NBEA: variants seen among roughly 807,000 people sequenced by gnomAD.
NBEA encodes the protein neurobeachin.
Under a neutral mutation model 343.4 loss-of-function variants are expected in NBEA, and 44 were observed. The observed-to-expected ratio is 0.13, with a 90% confidence interval of 0.10 to 0.16. The LOEUF is 0.16. NBEA is among the 10% of genes least tolerant of loss of function. The pLI, the probability that NBEA is intolerant of heterozygous loss-of-function variation, is 1.00. For missense variants in NBEA, 2,555 were observed against 3,631.3 expected, an observed-to-expected ratio of 0.70 and a Z score of 7.62; for synonymous variants, 1,175 against 1,238.7, an observed-to-expected ratio of 0.95 and a Z score of 1.08.
intron 16 of NBEA, among the ~76,000 whole-genome samples, chr13:35,119,248 T>C (rs2066662872): frequency 6.6e-6 from 1 of 152,324 alleles, no homozygotes. Context: ...GTTTTTATTT[T>C]TCTGGAGTTT....
intron 39 of NBEA, among the ~76,000 whole-genome samples, chr13:35,439,846 C>G (rs1465846627): frequency 6.6e-6 from 1 of 151,940 alleles, no homozygotes; most frequent in Non-Finnish European, 1.5e-5. Context: ...TACTCAGTTG[C>G]TATTTTTTTA....
rs1399941358 is a variant in NBEA at position 35,512,766 on chromosome 13, G to A, written c.6586-37711G>A. On this transcript the variant is annotated intron_variant, in intron 41 of 58. Transcript: ENST00000379939. Reference sequence around the variant, plus strand: ...CTATTTTTTAGTCAGGCCAAACCACGGACTATTGGCAAACCTCTGGATTAG... The same window carrying A: ...CTATTTTTTAGTCAGGCCAAACCACAGACTATTGGCAAACCTCTGGATTAG... Among the ~76,000 whole-genome samples, 6 of 152,238 alleles carry A rather than the reference G, an allele frequency of 3.9e-5. No homozygotes were observed. In the South Asian group the frequency reaches 6.2e-4, roughly 16 times the overall value.
chr13:34,974,245 A>C (rs1566109095), intron 1 of NBEA, among the ~76,000 whole-genome samples: 1 of 151,970 alleles, frequency 6.6e-6, no homozygotes, highest in Non-Finnish European at 1.5e-5. Context: ...AAGGTACTGT[A>C]TTTACTTGCC....
In NBEA at chr13:35,554,996, A is replaced by G; in HGVS notation, c.6816A>G (p.Ser2272=). ...SYGLPQARRI[S]LATPRQLYKS... is the part of the protein sequence containing the mutation. ...TGTGCTTAATTGCTAGGAGGATATC[A>G]TTGGCCACTCCTCGACAGCTTTATA... The change falls in exon 44 of 59, where the codon TCA becomes TCG. Residue 2272 remains serine (S), a synonymous_variant. Transcript: ENST00000379939. The G allele has an allele frequency of 3.1e-6, 5 of 1,601,228 alleles. No homozygotes were observed. Among genetic ancestry groups the G allele is most frequent in the Non-Finnish European group, 4.3e-6 (5 of 1,169,990 alleles).
At chr13:35,476,621 T>A in intron 41 of NBEA, 1 of 498,910 alleles carries the variant, frequency 2.0e-6, no homozygotes, top group Non-Finnish European at 3.7e-6. Context: ...GGAGGAAAAG[T>A]GTGCTGAGTG....
chr13:34,942,745 C>G lies in NBEA; in HGVS notation c.-76C>G. ...GGGCTCCGAGGCGACGGCCGGGGGG[C>G]GGGGGCCGAGGCAGGTATAACGGTA... is the stretch of plus-strand genomic sequence containing the variant. On this transcript the variant is annotated 5_prime_UTR_variant, in exon 1 of 59. Transcript: ENST00000379939. 7.6e-6 allele frequency: 9 copies of G among 1,184,506 alleles called. No individual in the cohort carries two copies. The highest frequency in any genetic ancestry group is 1.6e-5 in the African/African-American group (1 of 62,692). The allele number at this position is 1,184,506 out of a possible 1,614,324, so 73.4% of individuals were successfully genotyped here.
At chr13:35,308,736 C>G (rs768100913) in intron 35 of NBEA, among the ~76,000 whole-genome samples, 1 of 148,160 alleles carries the variant, frequency 6.7e-6, no homozygotes, top group Non-Finnish European at 1.5e-5. Flanking sequence ...TTTAAAACCC[C>G]AAAAATAGAA....
intron 48 of NBEA, among the ~76,000 whole-genome samples, chr13:35,625,492 A>G (rs925583768): frequency 2.0e-5 from 3 of 151,928 alleles, no homozygotes; most frequent in Non-Finnish European, 4.4e-5. Flanking sequence ...ACGGTGGCGC[A>G]TGTCTGTAGT....
intron 41 of NBEA, 77 bp downstream of exon 41, chr13:35,472,613 C>T: frequency 1.3e-6 from 2 of 1,507,730 alleles, no homozygotes; most frequent in Non-Finnish European, 1.8e-6. Flanking sequence ...TTGGTTTTAC[C>T]TGACAGTGGA....
intron 41 of NBEA, among the ~76,000 whole-genome samples, chr13:35,506,295 G>A (rs969302081): frequency 3.9e-5 from 6 of 152,050 alleles, no homozygotes; most frequent in African/African-American, 7.2e-5. Context: ...TCTTGAACTC[G>A]TGGCCTCAAG....
intron 13 of NBEA, among the ~76,000 whole-genome samples, chr13:35,114,093 G>C (rs918985010): frequency 6.6e-6 from 1 of 152,126 alleles, no homozygotes; most frequent in Non-Finnish European, 1.5e-5. Context: ...TGGTGGATAT[G>C]GTTTTTAGAA....
At chr13:35,121,591 C>A (rs2066803497) in intron 16 of NBEA, among the ~76,000 whole-genome samples, 1 of 150,052 alleles carries the variant, frequency 6.7e-6, no homozygotes, top group Admixed American at 6.7e-5. Context: ...TAAACCCATA[C>A]ATATTTATGA....
chr13:34,953,431 G>T (rs1050326350), intron 1 of NBEA, among the ~76,000 whole-genome samples: 5 of 152,024 alleles, frequency 3.3e-5, no homozygotes, highest in African/African-American at 1.2e-4. Context: ...CTTGATAGTT[G>T]TTACATTTCT....
In NBEA at chr13:35,550,773, G is replaced by T. The variant is rs138872432; in HGVS notation, c.6704-157G>T. ...AATTTGTTTGAAATGTTAGCCCTAG[G>T]TTTCTCATGGATAAAGTTATACTGA... On this transcript the variant is annotated intron_variant, in intron 42 of 58. Transcript: ENST00000379939. 1.1e-3 allele frequency among the ~76,000 whole-genome samples: 169 copies of T among 152,166 alleles called. 1 individual carries two copies. The highest frequency in any genetic ancestry group is 3.7e-3 in the African/African-American group (155 of 41,514).
chr13:34,958,010 AC>A (rs1455633936), intron 1 of NBEA, among the ~76,000 whole-genome samples: 1 of 152,120 alleles, frequency 6.6e-6, no homozygotes, highest in Non-Finnish European at 1.5e-5. Context: ...AGTGTAAAAT[AC>A]ACAATGAATT....
At chr13:35,400,170 CAGG>C (rs2042931173) in intron 38 of NBEA, among the ~76,000 whole-genome samples, 1 of 123,034 alleles carries the variant, frequency 8.1e-6, no homozygotes, top group African/African-American at 3.2e-5. Context: ...TTGCTAGATG[CAGG>C]GTTGCCACAA....
intron 9 of NBEA, 139 bp from the exon 10 acceptor site, chr13:35,070,580 T>A: frequency 2.7e-6 from 2 of 750,276 alleles, no homozygotes; most frequent in Non-Finnish European, 3.8e-6. Context: ...TTGTCTTATA[T>A]GTGTATAAAA....
chr13:35,372,898 C>T (rs1443573782), intron 38 of NBEA, among the ~76,000 whole-genome samples: 1 of 152,108 alleles, frequency 6.6e-6, no homozygotes, highest in African/African-American at 2.4e-5. Context: ...AGACTGGGCT[C>T]TCAAAATGGT....
intron 48 of NBEA, among the ~76,000 whole-genome samples, chr13:35,617,719 A>G (rs2082799213): frequency 1.3e-5 from 2 of 152,142 alleles, no homozygotes; most frequent in African/African-American, 4.8e-5. Flanking sequence ...CCTTTTTCAT[A>G]GTTTCTGTTG....
Sources: gnomAD v4.1 joint callset for allele counts (sites outside exome capture counted in the v4.1 genomes callset) on GRCh38, gnomAD v4.1.1 for gene constraint, MANE v1.5 for transcripts, NCBI Gene and HGNC (gene_info 2026-07-23, HGNC 2026-07-21) for gene names.